PLCB1: variants seen among roughly 807,000 people sequenced by gnomAD.
PLCB1 encodes the protein phospholipase C beta 1, also known as 1-phosphatidylinositol 4,5-bisphosphate phosphodiesterase beta-1.
A neutral mutation model predicts 161.8 loss-of-function variants in PLCB1; 46 were observed. That is an observed-to-expected ratio of 0.28 (90% CI 0.22 to 0.36). The LOEUF (loss-of-function observed/expected upper bound fraction) is 0.36. Among genes scored for constraint, PLCB1 ranks in the 10% least tolerant of loss-of-function variants. PLCB1 has a pLI of 1.00. For missense variants in PLCB1, 1,016 were observed against 1,472.5 expected (o/e 0.69, Z 5.07); for synonymous variants, 517 against 503.7 (o/e 1.03, Z -0.35).
At chr20:8,680,666 A>G (rs927048266) in intron 9 of PLCB1, among the ~76,000 whole-genome samples, 3 of 152,166 alleles carry the variant, frequency 2.0e-5, no homozygotes, top group African/African-American at 7.2e-5. Context: ...TATTCTACCC[A>G]AACTACCCTT....
intron 2 of PLCB1, among the ~76,000 whole-genome samples, chr20:8,267,701 G>A (rs1479195055): frequency 6.6e-6 from 1 of 152,110 alleles, no homozygotes; most frequent in Non-Finnish European, 1.5e-5. Flanking sequence ...CCACAGAACG[G>A]GAGCGGGCTT....
At position 8,881,903 on chromosome 20, in the gene PLCB1, C is replaced by T. The variant is rs538916602; in HGVS notation, c.*54C>T. ...ATGGCCACTCCAGCGTCATCGGACTCTCTCTTATTACAAAGATCACTGCCC... is the reference window on the plus strand; with the variant it reads ...ATGGCCACTCCAGCGTCATCGGACTTTCTCTTATTACAAAGATCACTGCCC... On this transcript the variant is annotated 3_prime_UTR_variant, in exon 32 of 32. Coordinates refer to ENST00000338037, the MANE Select transcript of PLCB1 (RefSeq NM_015192.4). The T allele has an allele frequency of 1.7e-6, 2 of 1,166,760 alleles. No homozygotes were observed. The highest frequency in any genetic ancestry group is 2.3e-5 in the East Asian group (1 of 42,690). 72.3% of individuals were successfully genotyped at this position (1,166,760 alleles called of 1,614,324 possible).
In PLCB1 at chr20:8,580,424, AAGTTTGC is replaced by A. The variant is rs540988686; in HGVS notation, c.247-47866_247-47860del. On this transcript the variant is annotated intron_variant, in intron 3 of 31. Coordinates refer to ENST00000338037, the MANE Select transcript of PLCB1 (RefSeq NM_015192.4). ...TTAAAGGAATCCTCAGTCTTATATA[AAGTTTGC>A]AGTGTTAACTTCTTGCTATACTGTC... Among the ~76,000 whole-genome samples, 4 of 152,326 alleles carry A rather than the reference AAGTTTGC, an allele frequency of 2.6e-5. No homozygotes were observed. The South Asian group carries it at 8.3e-4, about 32-fold the overall frequency.
intron 31 of PLCB1, among the ~76,000 whole-genome samples, chr20:8,807,178 G>A (rs6056132): frequency 0.026 from 4,028 of 152,194 alleles, 167 homozygotes; most frequent in African/African-American, 0.093. Flanking sequence ...GTTTGTCACT[G>A]AAATAATAGT....
At chr20:8,569,787 T>G (rs1986447792) in intron 3 of PLCB1, among the ~76,000 whole-genome samples, 1 of 152,214 alleles carries the variant, frequency 6.6e-6, no homozygotes, top group African/African-American at 2.4e-5. Flanking sequence ...GCAGCTATCT[T>G]ATTTTTCAAC....
intron 3 of PLCB1, among the ~76,000 whole-genome samples, chr20:8,421,872 T>C (rs1979550748): frequency 6.6e-6 from 1 of 152,176 alleles, no homozygotes; most frequent in Admixed American, 6.5e-5. Flanking sequence ...GTAAAATGAA[T>C]ATGCATGCTG....
intron 2 of PLCB1, among the ~76,000 whole-genome samples, chr20:8,269,609 C>T (rs1055989798): frequency 1.3e-5 from 2 of 151,984 alleles, no homozygotes; most frequent in Non-Finnish European, 2.9e-5. Context: ...GTCTTGTTTC[C>T]TATTTTTTTT....
chr20:8,798,197 G>GA (rs5840289), intron 31 of PLCB1, among the ~76,000 whole-genome samples: 3,603 of 140,340 alleles, frequency 0.026, 112 homozygotes, highest in African/African-American at 0.084. Flanking sequence ...ACTCTATATC[G>GA]AAAAAAAAAA....
At chr20:8,525,824 G>A (rs1239866586) in intron 3 of PLCB1, among the ~76,000 whole-genome samples, 1 of 150,614 alleles carries the variant, frequency 6.6e-6, no homozygotes, top group African/African-American at 2.4e-5. Context: ...ATGATGAGTA[G>A]CTCTATTCTG....
Position 8,740,330 on chromosome 20 carries a change from T to G in PLCB1, c.2309-14T>G. On this transcript the variant is annotated splice_polypyrimidine_tract_variant and intron_variant, in intron 21 of 31. Transcript: ENST00000338037. The stretch of plus-strand genomic sequence containing the variant: ...AGGAAATATGTGCTACACAGCATTA[T>G]TCTCACCTTCCAGGCTATCACTATA... 7.0e-7 allele frequency: 1 copy of G among 1,431,064 alleles called. No homozygotes were observed. The highest frequency in any genetic ancestry group is 9.8e-7 in the Non-Finnish European group (1 of 1,018,128). 88.6% of individuals were successfully genotyped at this position (1,431,064 alleles called of 1,614,324 possible).
At chr20:8,591,728 CCT>C (rs995983483) in intron 3 of PLCB1, among the ~76,000 whole-genome samples, 8 of 152,142 alleles carry the variant, frequency 5.3e-5, no homozygotes, top group Non-Finnish European at 1.0e-4. Context: ...ACTTTTTTCC[CCT>C]GTCTTTGCTT....
At chr20:8,143,194 T>C (rs895243383) in intron 1 of PLCB1, among the ~76,000 whole-genome samples, 4 of 152,180 alleles carry the variant, frequency 2.6e-5, no homozygotes, top group African/African-American at 9.7e-5. Flanking sequence ...TTCCCTCTAC[T>C]ATGCAAGTGT....
intron 3 of PLCB1, among the ~76,000 whole-genome samples, chr20:8,565,457 G>A (rs1986298815): frequency 1.3e-5 from 2 of 151,694 alleles, no homozygotes; most frequent in African/African-American, 2.4e-5. Context: ...TGCACATTCT[G>A]CGCATGTACT....
chr20:8,774,870 A>G, intron 27 of PLCB1, 151 bp downstream of exon 27: 2 of 532,952 alleles, frequency 3.8e-6, no homozygotes, highest in South Asian at 7.8e-5. Context: ...CCATCACACT[A>G]TTGTTTTTAT....
chr20:8,386,102 G>A (rs1338601032), intron 3 of PLCB1, among the ~76,000 whole-genome samples: 1 of 152,104 alleles, frequency 6.6e-6, no homozygotes, highest in African/African-American at 2.4e-5. Context: ...TCGTCCATGA[G>A]GATTGGAATC....
chr20:8,700,699 G>T (rs1990682196), intron 11 of PLCB1, among the ~76,000 whole-genome samples: 1 of 152,124 alleles, frequency 6.6e-6, no homozygotes, highest in African/African-American at 2.4e-5. Context: ...GGTTTTTCCA[G>T]CTATTCCTCC....
chr20:8,141,878 C>T (rs6039048), intron 1 of PLCB1: 35,477 of 152,008 alleles, frequency 0.23, 4,422 homozygotes, highest in East Asian at 0.35. Flanking sequence ...TAGGCTTGTC[C>T]CATGGCCTCT....
chr20:8,748,763 T>G (rs6140706), intron 23 of PLCB1, among the ~76,000 whole-genome samples: 52,189 of 151,998 alleles, frequency 0.34, 9,404 homozygotes, highest in East Asian at 0.5. Flanking sequence ...AGGACTATAA[T>G]TAACAATCAT....
At chr20:8,640,831 C>T (rs73895059) in intron 4 of PLCB1, among the ~76,000 whole-genome samples, 6,841 of 152,234 alleles carry the variant, frequency 0.045, 513 homozygotes, top group African/African-American at 0.15. Context: ...CGTTCTTCTA[C>T]TCTGTGCCAT....
Sources: gnomAD v4.1 joint callset for allele counts (sites outside exome capture counted in the v4.1 genomes callset) on GRCh38, gnomAD v4.1.1 for gene constraint, MANE v1.5 for transcripts, NCBI Gene and HGNC (gene_info 2026-07-23, HGNC 2026-07-21) for gene names.